Variants in ADCY8 observed in about 807,000 individuals in gnomAD.
ADCY8 encodes adenylate cyclase type 8.
Under a neutral mutation model 119.7 loss-of-function variants are expected in ADCY8, and 51 were observed. The ratio of observed to expected loss-of-function variants is 0.43; its 90% confidence interval spans 0.34 to 0.54. The LOEUF (loss-of-function observed/expected upper bound fraction) is 0.54. Among genes scored for constraint, ADCY8 ranks in the 20% least tolerant of loss-of-function variants. The probability of loss-of-function intolerance (pLI) is 0.03; values close to 1 mark genes in which losing one functional copy is unlikely to be tolerated. For missense variants in ADCY8, 1,383 were observed against 1,598.8 expected (o/e 0.87, Z 2.30); for synonymous variants, 665 against 651.0 (o/e 1.02, Z -0.33).
At chr8:130,983,523 T>C (rs1392004818) in intron 2 of ADCY8, among the ~76,000 whole-genome samples, 2 of 152,030 alleles carry the variant, frequency 1.3e-5, no homozygotes, top group African/African-American at 4.8e-5. Flanking sequence ...ATCCAAGGCA[T>C]AGACGTGCGG....
intron 15 of ADCY8, among the ~76,000 whole-genome samples, chr8:130,795,967 C>T (rs1385875296): frequency 2.6e-5 from 4 of 152,162 alleles, no homozygotes; most frequent in Admixed American, 2.6e-4. Flanking sequence ...CTTTCAGACA[C>T]TAATCAAACA....
At chr8:130,928,074 G>A (rs1435182120) in intron 5 of ADCY8, among the ~76,000 whole-genome samples, 1 of 152,062 alleles carries the variant, frequency 6.6e-6, no homozygotes, top group African/African-American at 2.4e-5. Context: ...ACTATGTCCA[G>A]CTTGGGGGAG....
At chr8:130,843,367 G>T (rs565011615) in intron 11 of ADCY8, among the ~76,000 whole-genome samples, 1 of 152,242 alleles carries the variant, frequency 6.6e-6, no homozygotes, top group African/African-American at 2.4e-5. Flanking sequence ...ACCCTTTTCA[G>T]ATCTCTAGGT....
chr8:130,855,132 C>T (rs1451685712), intron 9 of ADCY8, among the ~76,000 whole-genome samples: 16 of 144,914 alleles, frequency 1.1e-4, no homozygotes, highest in Non-Finnish European at 1.8e-4. Context: ...TTTTTTTTTC[C>T]AGAGTCCATT....
At chr8:130,828,330 G>T (rs1265078341) in intron 12 of ADCY8, among the ~76,000 whole-genome samples, 2 of 152,146 alleles carry the variant, frequency 1.3e-5, no homozygotes, top group East Asian at 3.8e-4. Context: ...AGGAACAGAG[G>T]GTCCCCCCCA....
rs140825422 is a variant in ADCY8 at position 130,912,855 on chromosome 8, C to G, written c.1482-2989G>C. Among the ~76,000 whole-genome samples, 310 of 151,776 alleles carry G rather than the reference C, an allele frequency of 2.0e-3. 1 individual carries two copies. Among genetic ancestry groups the G allele is most frequent in the African/African-American group, 6.9e-3 (286 of 41,380 alleles). ...CTACTGACAATGAAAACTGTAGGAGCCATTTAAAAAAAATTGACAAGGCAA... is the reference window on the plus strand; with the variant it reads ...CTACTGACAATGAAAACTGTAGGAGGCATTTAAAAAAAATTGACAAGGCAA... On this transcript the variant is annotated intron_variant, in intron 5 of 17. Coordinates refer to ENST00000286355, the MANE Select transcript of ADCY8 (RefSeq NM_001115.3).
At chr8:131,006,879 TCAAA>T in intron 1 of ADCY8, among the ~76,000 whole-genome samples, 1 of 152,304 alleles carries the variant, frequency 6.6e-6, no homozygotes, top group East Asian at 1.9e-4. Flanking sequence ...GGCTTTGTTC[TCAAA>T]CAGAGGATTT....
At position 130,800,578 on chromosome 8, in the gene ADCY8, C is replaced by T. The variant is rs1815744571; in HGVS notation, c.2914-6G>A. On this transcript the variant is annotated splice_region_variant and splice_polypyrimidine_tract_variant and intron_variant, in intron 14 of 17. Coordinates refer to ENST00000286355, the MANE Select transcript of ADCY8 (RefSeq NM_001115.3). ...TAGGATTGAGAATACAGCTCCTGGA[C>T]AGAGACACACAGAGGGCACCAGAAA... The T allele has an allele frequency of 1.2e-6, 2 of 1,613,642 alleles. No individual in the cohort carries two copies. Among genetic ancestry groups the T allele is most frequent in the East Asian group, 2.2e-5 (1 of 44,876 alleles).
chr8:130,804,165 T>C (rs11989940), intron 14 of ADCY8, among the ~76,000 whole-genome samples: 26,227 of 152,136 alleles, frequency 0.17, 2,850 homozygotes, highest in African/African-American at 0.31. Context: ...CTATAGTATT[T>C]GTTTGCTAGG....
At chr8:130,799,765 A>G (rs1815708278) in intron 15 of ADCY8, among the ~76,000 whole-genome samples, 1 of 152,212 alleles carries the variant, frequency 6.6e-6, no homozygotes, top group Non-Finnish European at 1.5e-5. Context: ...CTCTGGAGTT[A>G]GGCAGGGATT....
chr8:131,028,040 T>A (rs1241368604), intron 1 of ADCY8, among the ~76,000 whole-genome samples: 1 of 152,160 alleles, frequency 6.6e-6, no homozygotes, highest in Non-Finnish European at 1.5e-5. Flanking sequence ...GCAGGATAAA[T>A]GGGCAGGTAA....
At chr8:130,794,163 G>A (rs1815506826) in intron 15 of ADCY8, among the ~76,000 whole-genome samples, 1 of 152,162 alleles carries the variant, frequency 6.6e-6, no homozygotes, top group Non-Finnish European at 1.5e-5. Context: ...AGCCTTCAGA[G>A]GGAGCAGGGC....
intron 2 of ADCY8, among the ~76,000 whole-genome samples, chr8:130,971,099 A>C (rs1389717372): frequency 6.6e-6 from 1 of 152,188 alleles, no homozygotes; most frequent in Admixed American, 6.5e-5. Flanking sequence ...TAGGTTTAGC[A>C]CAAGTCTGGT....
intron 7 of ADCY8, among the ~76,000 whole-genome samples, chr8:130,893,112 T>G (rs2130489856): frequency 6.6e-6 from 1 of 152,314 alleles, no homozygotes; most frequent in African/African-American, 2.4e-5. Context: ...GTTGTTAAAC[T>G]TCTGCAGAAT....
intron 3 of ADCY8, among the ~76,000 whole-genome samples, chr8:130,951,494 C>T (rs1239055116): frequency 1.3e-5 from 2 of 152,150 alleles, no homozygotes; most frequent in African/African-American, 4.8e-5. Context: ...TTTAAACACA[C>T]TTATGAGTAA....
intron 14 of ADCY8, among the ~76,000 whole-genome samples, chr8:130,804,348 T>C (rs1815876947): frequency 6.6e-6 from 1 of 152,178 alleles, no homozygotes; most frequent in Non-Finnish European, 1.5e-5. Flanking sequence ...GGTCTTCCCT[T>C]AGGTTCTAGT....
intron 6 of ADCY8, among the ~76,000 whole-genome samples, chr8:130,908,779 A>G (rs568018980): frequency 2.0e-5 from 3 of 152,220 alleles, no homozygotes; most frequent in Non-Finnish European, 2.9e-5. Context: ...TGCATGCTTT[A>G]CATAACTTGC....
At chr8:130,891,348 T>A (rs963009965) in intron 7 of ADCY8, among the ~76,000 whole-genome samples, 1 of 152,162 alleles carries the variant, frequency 6.6e-6, no homozygotes, top group African/African-American at 2.4e-5. Context: ...CTTTCTCTAC[T>A]GTTTGTTAAA....
At chr8:130,844,585 G>A (rs187886736) in intron 11 of ADCY8, among the ~76,000 whole-genome samples, 190 of 152,278 alleles carry the variant, frequency 1.2e-3, no homozygotes, top group African/African-American at 4.3e-3. Flanking sequence ...GAGTGCTGGG[G>A]AGTTGGATTA....
Sources: gnomAD v4.1 joint callset for allele counts (sites outside exome capture counted in the v4.1 genomes callset) on GRCh38, gnomAD v4.1.1 for gene constraint, MANE v1.5 for transcripts, NCBI Gene and HGNC (gene_info 2026-07-23, HGNC 2026-07-21) for gene names.